The following NOS2 variants were observed in gnomAD, a reference collection of about 807,000 sequenced individuals.
NOS2 encodes nitric oxide synthase, inducible.
Under a neutral mutation model 136.0 loss-of-function variants are expected in NOS2, and 96 were observed. The observed-to-expected ratio is 0.71, with a 90% CI of 0.60 to 0.84. The LOEUF is 0.84. Among genes scored for constraint, NOS2 ranks in the 40% least tolerant of loss-of-function variants. NOS2 has a pLI of 0.00. For synonymous variants in NOS2, 539 were observed against 587.5 expected (o/e 0.92, Z 1.20); for missense variants, 1,237 against 1,496.9 (o/e 0.83, Z 2.87).
At chr17:27,776,037 G>A (rs1908647351) in intron 11 of NOS2, among the ~76,000 whole-genome samples, 1 of 152,188 alleles carries the variant, frequency 6.6e-6, no homozygotes, top group Non-Finnish European at 1.5e-5. Context: ...ATGGAGGCAG[G>A]CAAAGGTGCT....
intron 13 of NOS2, among the ~76,000 whole-genome samples, 182 bp from the exon 14 acceptor site, chr17:27,772,634 C>G (rs537504901): frequency 5.3e-5 from 8 of 152,300 alleles, no homozygotes; most frequent in Non-Finnish European, 7.4e-5. Flanking sequence ...TCACCCACTA[C>G]TATAGGCCCC....
At chr17:27,778,351 C>A (rs1908727187) in intron 11 of NOS2, among the ~76,000 whole-genome samples, 1 of 152,040 alleles carries the variant, frequency 6.6e-6, no homozygotes, top group Non-Finnish European at 1.5e-5. Context: ...TGAGGTTTGG[C>A]AGGAGTTATG....
At chr17:27,773,850 C>A (rs1174105341) in intron 12 of NOS2, among the ~76,000 whole-genome samples, 2 of 152,180 alleles carry the variant, frequency 1.3e-5, no homozygotes, top group African/African-American at 4.8e-5. Flanking sequence ...TGAAGCCCAT[C>A]CCTTTTAGAG....
chr17:27,765,523 C>A lies in NOS2; in HGVS notation c.2428+12G>T, dbSNP rs1321628968. 1.9e-6 allele frequency: 3 copies of A among 1,582,194 alleles called. No individual in the cohort carries two copies. The African/African-American group carries it at 4.0e-5, about 21-fold the overall frequency. On this transcript the variant is annotated intron_variant, in intron 20 of 26. Transcript: ENST00000313735. ...GTGCCAGGCAGCACTGGCTTTCTAG[C>A]CCGGGGCTCACCACTCTCATCCAGG...
In NOS2 at chr17:27,773,182, A is replaced by G; in HGVS notation, c.1538T>C (p.Ile513Thr). Residue 513 changes from isoleucine (I) to threonine (T), a missense_variant, in exon 13 of 27, where the codon ATT (isoleucine) becomes ACT (threonine). By Grantham distance (89) the Ile-to-Thr change is moderately conservative (BLOSUM62 -1). Transcript: ENST00000313735. ...TCACTTGACCAAGACTTTCAATGGA[A>G]TCTCTCTTCTCTTGGGTCTCCGCTT... is the stretch of plus-strand genomic sequence containing the variant. ...DEKRRPKRRE[I>T]PLKVLVKAVL... 1 of 1,613,914 alleles carries G rather than the reference A, an allele frequency of 6.2e-7. No homozygotes were observed. The highest frequency in any genetic ancestry group is 8.5e-7 in the Non-Finnish European group (1 of 1,179,852).
intron 19 of NOS2, among the ~76,000 whole-genome samples, chr17:27,766,220 A>G (rs1256330058): frequency 6.6e-6 from 1 of 152,224 alleles, no homozygotes; most frequent in African/African-American, 2.4e-5. Flanking sequence ...CAAACAGTTT[A>G]AGTCTCTCTT....
intron 13 of NOS2, 146 bp from the exon 14 acceptor site, chr17:27,772,598 C>T (rs994668796): frequency 1.5e-5 from 13 of 861,982 alleles, no homozygotes; most frequent in African/African-American, 5.1e-5. Context: ...AGCCATGTAC[C>T]GTGACAACTC....
In NOS2 at chr17:27,762,936, A is replaced by G. The variant is rs1908180932; in HGVS notation, c.2662T>C (p.Ser888Pro). Residue 888 changes from serine (S) to proline (P), a missense_variant, in exon 22 of 27, where the codon TCC becomes CCC. Around this residue, in one of 3 missense-constraint regions of NOS2, gnomAD observed 782 missense variants for 909.9 expected, o/e 0.86. Transcript: ENST00000313735. ...AGGAAGCCAGCAGACACCCGCAGGG[A>G]CGGGAACTCCTCTAGCACCTCCAGG... ...TFLEVLEEFP[S>P]LRVSAGFLLS... is the part of the protein sequence containing the mutation. 1 of 1,606,324 alleles carries G rather than the reference A, an allele frequency of 6.2e-7. No individual in the cohort carries two copies. The highest frequency in any genetic ancestry group is 1.3e-5 in the African/African-American group (1 of 74,638).
chr17:27,791,009 T>C (rs995362818), intron 2 of NOS2, among the ~76,000 whole-genome samples: 2 of 152,236 alleles, frequency 1.3e-5, no homozygotes, highest in African/African-American at 2.4e-5. Flanking sequence ...CTACTTGATA[T>C]GTATCTATGA....
In NOS2 at chr17:27,779,009, G is replaced by T; in HGVS notation, c.1052C>A (p.Ala351Glu). The T allele has an allele frequency of 6.2e-7, 1 of 1,607,102 alleles. No homozygotes were observed. The highest frequency in any genetic ancestry group is 8.5e-7 in the Non-Finnish European group (1 of 1,175,650). Residue 351 changes from alanine to glutamate, a missense_variant, in exon 10 of 27, where the codon GCA becomes GAA. Ala to Glu is a moderately radical substitution (Grantham distance 107, BLOSUM62 -1). This residue lies in a region of NOS2 where 440 missense variants were observed against 545.4 expected (regional missense o/e 0.81). Transcript: ENST00000313735. ...ELELKWYALP[A>E]VANMLLEVGG... The stretch of plus-strand genomic sequence containing the variant: ...CACCTCAAGCAGCATGTTGGCCACT[G>T]CAGGCAGGGCGTACCACTTTAGCTC...
Position 27,773,182 on chromosome 17 carries a change from A to T in NOS2, c.1538T>A (p.Ile513Asn). 1 of 1,613,914 alleles carries T rather than the reference A, an allele frequency of 6.2e-7. No homozygotes were observed. The highest frequency in any genetic ancestry group is 8.5e-7 in the Non-Finnish European group (1 of 1,179,852). ...DEKRRPKRRE[I>N]PLKVLVKAVL... ...TCACTTGACCAAGACTTTCAATGGA[A>T]TCTCTCTTCTCTTGGGTCTCCGCTT... is the stretch of plus-strand genomic sequence containing the variant. Residue 513 changes from isoleucine to asparagine, a missense_variant, in exon 13 of 27, where the codon ATT becomes AAT. By Grantham distance (149) the Ile-to-Asn change is moderately radical. This residue lies in a region of NOS2 where 782 missense variants were observed against 909.9 expected (regional missense o/e 0.86). Coordinates refer to ENST00000313735, the MANE Select transcript of NOS2 (RefSeq NM_000625.4).
intron 5 of NOS2, among the ~76,000 whole-genome samples, chr17:27,783,801 AG>A (rs1219927817): frequency 6.6e-6 from 1 of 152,244 alleles, no homozygotes; most frequent in African/African-American, 2.4e-5. Flanking sequence ...CCTGATGCCA[AG>A]CCCAGGTTCT....
intron 6 of NOS2, 67 bp from the exon 7 acceptor site, chr17:27,782,173 A>G (rs1194392087): frequency 3.5e-6 from 5 of 1,408,624 alleles, no homozygotes; most frequent in Non-Finnish European, 5.0e-6. Flanking sequence ...GGCTGATCAG[A>G]AGTCACTGGG....
chr17:27,788,773 G>A, intron 4 of NOS2, 36 bp downstream of exon 4: 8 of 1,595,314 alleles, frequency 5.0e-6, no homozygotes, highest in Non-Finnish European at 6.9e-6. Flanking sequence ...CACCAGCTTG[G>A]GACAAAGGTG....
At chr17:27,769,657 A>C (rs1178354767) in intron 15 of NOS2, 73 bp from the exon 16 acceptor site, 1 of 1,333,584 alleles carries the variant, frequency 7.5e-7, no homozygotes, top group Non-Finnish European at 1.1e-6. Flanking sequence ...TTCTTCTGGA[A>C]ACCTGGCCAC....
chr17:27,793,523 G>A, intron 2 of NOS2: 1 of 395,894 alleles, frequency 2.5e-6, no homozygotes, highest in Non-Finnish European at 4.5e-6. Flanking sequence ...AGAGAGAGAT[G>A]GGGCCCCGCC....
intron 24 of NOS2, 122 bp from the exon 25 acceptor site, chr17:27,760,300 G>A: frequency 1.8e-6 from 2 of 1,091,562 alleles, no homozygotes; most frequent in Non-Finnish European, 2.6e-6. Flanking sequence ...CCACTTTACA[G>A]ATGAGGAAAC....
Position 27,798,766 on chromosome 17 carries a change from T to C in NOS2, c.44A>G (p.Gln15Arg), listed in dbSNP as rs1597563238. 3 of 1,614,118 alleles carry C rather than the reference T, an allele frequency of 1.9e-6. No individual in the cohort carries two copies. The East Asian group carries it at 6.7e-5, about 36-fold the overall frequency. ...WKFLFKTKFHQYAMNGEKDIN... is the reference protein window; with the variant it reads ...WKFLFKTKFHRYAMNGEKDIN... ...GTCTTTTTCCCCATTCATTGCATAC[T>C]GGTGGAATTTGGTCTTGAACAGAAA... is the stretch of plus-strand genomic sequence containing the variant. Residue 15 changes from glutamine (Q) to arginine (R), a missense_variant, in exon 2 of 27, where the codon CAG (glutamine) becomes CGG (arginine). Transcript: ENST00000313735.
intron 20 of NOS2, 47 bp downstream of exon 20, chr17:27,765,488 C>A: frequency 1.3e-6 from 2 of 1,510,448 alleles, no homozygotes; most frequent in Non-Finnish European, 1.8e-6. Context: ...CCAGGTGGGG[C>A]GGCCAGAGGG....
Sources: gnomAD v4.1 joint callset for allele counts (sites outside exome capture counted in the v4.1 genomes callset) on GRCh38, gnomAD v4.1.1 for gene constraint, gnomAD v4.1.1 regional missense constraint, MANE v1.5 for transcripts, NCBI Gene and HGNC (gene_info 2026-07-23, HGNC 2026-07-21) for gene names.